DDX5: variants seen among roughly 807,000 people sequenced by gnomAD.
DDX5 encodes DEAD-box helicase 5, also known as probable ATP-dependent RNA helicase DDX5.
In DDX5, 6 loss-of-function variants were observed where a neutral mutation model predicts 68.6. The observed-to-expected ratio is 0.09, with a 90% CI of 0.05 to 0.17. The LOEUF (loss-of-function observed/expected upper bound fraction) is 0.17, where lower values mean the gene tolerates loss of function less well. Among genes scored for constraint, DDX5 ranks in the 10% least tolerant of loss-of-function variants. DDX5 has a pLI of 1.00. For synonymous variants in DDX5, 350 were observed against 247.0 expected, an observed-to-expected ratio of 1.42 and a Z score of -3.91; for missense variants, 499 against 756.1, an observed-to-expected ratio of 0.66 and a Z score of 3.99.
chr17:64,505,445 A>G, intron 1 of DDX5: 1 of 553,450 alleles, frequency 1.8e-6, no homozygotes, highest in South Asian at 2.4e-5. Context: ...CTACCGGGGG[A>G]GGAGTCCCGG....
intron 1 of DDX5, chr17:64,505,530 C>T (rs782469134): frequency 1.6e-5 from 10 of 616,572 alleles, no homozygotes; most frequent in Non-Finnish European, 2.9e-5. Context: ...CTCTCTGCGC[C>T]ACATTTTCTC....
At position 64,499,889 on chromosome 17, in the gene DDX5, T is replaced by TGAAAAACAGACATTTAC; in HGVS notation, c.*17_*33dup. On this transcript the variant is annotated 3_prime_UTR_variant, in exon 13 of 13. Coordinates refer to ENST00000225792, the MANE Select transcript of DDX5 (RefSeq NM_004396.5). ...TAACACACAATATAAAGAGCAATTA[T>TGAAAAACAGACATTTAC]GAAAAACAGACATTTACATATACTT... The TGAAAAACAGACATTTAC allele has an allele frequency of 6.6e-7, 1 of 1,519,992 alleles. No individual in the cohort carries two copies. The highest frequency in any genetic ancestry group is 8.8e-7 in the Non-Finnish European group (1 of 1,134,742). 94.2% of individuals were successfully genotyped at this position (1,519,992 alleles called of 1,614,324 possible).
At chr17:64,501,887 A>G in intron 11 of DDX5, 123 bp downstream of exon 11, 1 of 978,918 alleles carries the variant, frequency 1.0e-6, no homozygotes, top group South Asian at 1.5e-5. Flanking sequence ...CCACAAAGAC[A>G]GCACCTTTAT....
Position 64,506,136 on chromosome 17 carries a change from G to C in DDX5, c.-17C>G. On this transcript the variant is annotated 5_prime_UTR_variant, in exon 1 of 13. Transcript: ENST00000225792. ...ACCCGACATGGCGTCAATGGTTGCG[G>C]TTGGCGGGGAACGAAGTATATAGAA... 1 of 1,610,198 alleles carries C rather than the reference G, an allele frequency of 6.2e-7. No individual in the cohort carries two copies. The highest frequency in any genetic ancestry group is 1.1e-5 in the South Asian group (1 of 89,980).
At chr17:64,505,049 T>C in intron 1 of DDX5, 1 of 456,410 alleles carries the variant, frequency 2.2e-6, no homozygotes, top group Non-Finnish European at 3.8e-6. Flanking sequence ...ACTTAGGTCA[T>C]GTAAACAGCC....
rs1457921660 is a variant in DDX5, at chr17:64,500,274, A to G, written c.1494T>C (p.Ser498=). The G allele has an allele frequency of 8.7e-6, 14 of 1,614,160 alleles. No individual in the cohort carries two copies. The highest frequency in any genetic ancestry group is 2.7e-5 in the African/African-American group (2 of 75,056). ...GMKDDRRDRY[S]AGKRGGFNTF... Reference sequence around the variant, plus strand: ...TATTAAATCCACCCCTTTTGCCCGCAGAGTATCTGTCCCGACGGTCATCCT... The same window carrying G: ...TATTAAATCCACCCCTTTTGCCCGCGGAGTATCTGTCCCGACGGTCATCCT... The change falls in exon 13 of 13, where the codon TCT becomes TCC. Residue 498 remains serine, a synonymous_variant. Coordinates refer to ENST00000225792, the MANE Select transcript of DDX5 (RefSeq NM_004396.5).
rs782136972 is a variant in DDX5 at position 64,502,109 on chromosome 17, G to A, written c.1157-40C>T. 1.3e-5 allele frequency: 21 copies of A among 1,613,526 alleles called. No individual in the cohort carries two copies. The East Asian group carries it at 2.5e-4, about 19-fold the overall frequency. Reference sequence around the variant, plus strand: ...ATATACATGATCAATTATCTGAGCAGAATTCTAGCTAGGTTAAGTAAGGGG... The same window carrying A: ...ATATACATGATCAATTATCTGAGCAAAATTCTAGCTAGGTTAAGTAAGGGG... On this transcript the variant is annotated intron_variant, in intron 10 of 12. Coordinates refer to ENST00000225792, the MANE Select transcript of DDX5 (RefSeq NM_004396.5).
rs1555670266 is a variant in DDX5, at chr17:64,498,703, A to G, written c.*1220T>C. On this transcript the variant is annotated 3_prime_UTR_variant, in exon 13 of 13. Coordinates refer to ENST00000225792, the MANE Select transcript of DDX5 (RefSeq NM_004396.5). ...TCCTGAAGACCTCTCTTCTGGCAAA[A>G]AAAAACACGTATCAGACTCTGGGAA... Among the ~76,000 whole-genome samples, 1 of 152,192 alleles carries G rather than the reference A, an allele frequency of 6.6e-6. No homozygotes were observed. Among genetic ancestry groups the G allele is most frequent in the Admixed American group, 6.5e-5 (1 of 15,280 alleles).
intron 2 of DDX5, 69 bp downstream of exon 2, chr17:64,504,608 T>A: frequency 6.6e-7 from 1 of 1,504,068 alleles, no homozygotes; most frequent in East Asian, 2.3e-5. Context: ...GCAAAACACC[T>A]GTCAGAATTT....
At chr17:64,505,823 A>T in intron 1 of DDX5, 1 of 1,536,126 alleles carries the variant, frequency 6.5e-7, no homozygotes, top group South Asian at 1.2e-5. Flanking sequence ...CTCCCTCAAC[A>T]GCTACCAAAT....
intron 11 of DDX5, 61 bp from the exon 12 acceptor site, chr17:64,500,834 C>A: frequency 8.2e-7 from 1 of 1,225,954 alleles, no homozygotes. Flanking sequence ...CCACAACAGC[C>A]AGACCAAAAA....
rs1362974306 is a variant in DDX5, at chr17:64,500,320, G to A, written c.1448C>T (p.Ser483Phe). The stretch of plus-strand genomic sequence containing the variant: ...ATCCTTCATGCCTCCTCTACCCCTG[G>A]AACGACCTGTCAAGAAAACAATTGC... The part of the protein sequence containing the change: ...QLVEDRGSGR[S>F]RGRGGMKDDR... The change falls in exon 13 of 13, where the codon TCC becomes TTC. Residue 483 changes from serine (S) to phenylalanine (F), a missense_variant. Ser to Phe is a radical substitution (Grantham distance 155). Coordinates refer to ENST00000225792, the MANE Select transcript of DDX5 (RefSeq NM_004396.5). 1 of 1,603,266 alleles carries A rather than the reference G, an allele frequency of 6.2e-7. No individual in the cohort carries two copies. Among genetic ancestry groups the A allele is most frequent in the South Asian group, 1.1e-5 (1 of 90,372 alleles).
At chr17:64,505,947 C>T (rs2038488810) in intron 1 of DDX5, 129 bp downstream of exon 1, 3 of 1,536,048 alleles carry the variant, frequency 2.0e-6, no homozygotes, top group Non-Finnish European at 2.6e-6. Context: ...CGCAAGCCTT[C>T]GGGAAAGGAA....
rs2038223054 is a variant in DDX5, at chr17:64,498,863, T to C, written c.*1060A>G. Among the ~76,000 whole-genome samples the C allele has an allele frequency of 6.6e-6, 1 of 152,256 alleles. No individual in the cohort carries two copies. Among genetic ancestry groups the C allele is most frequent in the Admixed American group, 6.5e-5 (1 of 15,284 alleles). On this transcript the variant is annotated 3_prime_UTR_variant, in exon 13 of 13. Coordinates refer to ENST00000225792, the MANE Select transcript of DDX5 (RefSeq NM_004396.5). ...CATGTTGAACCTACCATGAAAACTTTCATTCACTGTGCTTTTGGTTACGTT... is the reference window on the plus strand; with the variant it reads ...CATGTTGAACCTACCATGAAAACTTCCATTCACTGTGCTTTTGGTTACGTT...
In DDX5 at chr17:64,506,252, A is replaced by G; in HGVS notation, c.-133T>C. 6.5e-7 allele frequency: 1 copy of G among 1,547,210 alleles called. No individual in the cohort carries two copies. Among genetic ancestry groups the G allele is most frequent in the Non-Finnish European group, 8.7e-7 (1 of 1,146,850 alleles). On this transcript the variant is annotated 5_prime_UTR_variant, in exon 1 of 13. Transcript: ENST00000225792. ...GGAAGGACACCGATGACACCAGCCG[A>G]AGCTGCACTACTAGAGACCGGTAGA...
intron 8 of DDX5, 120 bp downstream of exon 8, chr17:64,502,806 A>T: frequency 9.8e-7 from 1 of 1,024,698 alleles, no homozygotes. Flanking sequence ...CAGGATTAGT[A>T]GGCTAACTAA....
At position 64,504,418 on chromosome 17, in the gene DDX5, A is replaced by C. The variant is rs1342118037; in HGVS notation, c.211-100T>G. On this transcript the variant is annotated intron_variant, in intron 2 of 12. Transcript: ENST00000225792. ...AACTTCATAATTTAGTAACTAGTTTAAAGTAGCCTTCATTTTAATCTGGAC... is the reference window on the plus strand; with the variant it reads ...AACTTCATAATTTAGTAACTAGTTTCAAGTAGCCTTCATTTTAATCTGGAC... 4.5e-6 allele frequency: 5 copies of C among 1,113,902 alleles called. No homozygotes were observed. The African/African-American group carries it at 6.3e-5, about 14-fold the overall frequency. 69.0% of individuals were successfully genotyped at this position (1,113,902 alleles called of 1,614,324 possible). A position where few individuals can be genotyped will look rare whatever the true frequency, so the allele number is the denominator to read the frequency against.
At chr17:64,505,371 A>T in intron 1 of DDX5, 1 of 433,898 alleles carries the variant, frequency 2.3e-6, no homozygotes, top group African/African-American at 2.0e-5. Flanking sequence ...ACGCCGCGGT[A>T]GAGCTCCGGA....
At chr17:64,506,302 C>CCGGCAGCCGCTTTT, upstream of DDX5, 1 of 1,514,966 alleles carries the variant, frequency 6.6e-7, no homozygotes, top group Admixed American at 2.0e-5. Context: ...CGGCCGCTTT[C>CCGGCAGCCGCTTTT]CGGCAGCCGC....
Sources: gnomAD v4.1 joint callset for allele counts (sites outside exome capture counted in the v4.1 genomes callset) on GRCh38, gnomAD v4.1.1 for gene constraint, MANE v1.5 for transcripts, NCBI Gene and HGNC (gene_info 2026-07-23, HGNC 2026-07-21) for gene names.